Variants in NFX1 observed in about 807,000 individuals in gnomAD.
NFX1 encodes the protein nuclear transcription factor, X-box binding 1.
Under a neutral mutation model 137.2 loss-of-function variants are expected in NFX1, and 69 were observed. That is an observed-to-expected ratio of 0.50 (90% CI 0.41 to 0.61). The LOEUF is 0.61. Ranked by LOEUF, NFX1 falls within the 20% of genes least tolerant of loss-of-function variation. The probability of loss-of-function intolerance (pLI) is 0.00; values close to 1 mark genes in which losing one functional copy is unlikely to be tolerated. For synonymous variants in NFX1, 495 were observed against 474.1 expected (o/e 1.04, Z -0.57); for missense variants, 1,167 against 1,391.0 (o/e 0.84, Z 2.56).
intron 7 of NFX1, among the ~76,000 whole-genome samples, chr9:33,316,504 C>T (rs1396424407): frequency 1.3e-5 from 2 of 152,066 alleles, no homozygotes; most frequent in African/African-American, 2.4e-5. Context: ...TCTGTGGATC[C>T]CAGTCTCTTC....
intron 13 of NFX1, 41 bp downstream of exon 13, chr9:33,342,895 A>C: frequency 7.7e-7 from 1 of 1,301,724 alleles, no homozygotes; most frequent in Non-Finnish European, 1.1e-6. Context: ...AGAGTTTTTT[A>C]GAAATTCAGA....
chr9:33,301,485 G>T (rs1821564551), intron 3 of NFX1, 64 bp downstream of exon 3: 20 of 1,507,504 alleles, frequency 1.3e-5, no homozygotes, highest in Non-Finnish European at 1.4e-5. Flanking sequence ...GTATTATTAA[G>T]CCCAGCTTTA....
chr9:33,318,850 T>C lies in NFX1; in HGVS notation c.1688+20T>C. 1 of 1,614,214 alleles carries C rather than the reference T, an allele frequency of 6.2e-7. No homozygotes were observed. Among genetic ancestry groups the C allele is most frequent in the Non-Finnish European group, 8.5e-7 (1 of 1,180,002 alleles). On this transcript the variant is annotated intron_variant, in intron 8 of 23. Transcript: ENST00000379540. The stretch of plus-strand genomic sequence containing the variant: ...TGGCAAGTAAGGTTTTACGTTTTCT[T>C]CAGTTGAACTAAAGCTGCACTTTAT...
rs1238718187 is a variant in NFX1 at position 33,370,802 on chromosome 9, A to G, written c.*824A>G. 6.6e-6 allele frequency: 1 copy of G among 152,200 alleles called. No individual in the cohort carries two copies. The highest frequency in any genetic ancestry group is 2.4e-5 in the African/African-American group (1 of 41,410). The allele number at this position is 152,200 out of a possible 1,614,324, so 9.4% of individuals were successfully genotyped here. ...TATCCCTAACTCCTCTTTGATAGAG[A>G]AAGAGTCTCAAATGGACAACTGTCC... On this transcript the variant is annotated 3_prime_UTR_variant, in exon 24 of 24. Transcript: ENST00000379540.
At chr9:33,296,546 A>G (rs538701573) in intron 2 of NFX1, among the ~76,000 whole-genome samples, 11 of 152,272 alleles carry the variant, frequency 7.2e-5, no homozygotes, top group Middle Eastern at 3.4e-3. Context: ...TGGGCAACAT[A>G]AGGAGACCCT....
At chr9:33,361,803 A>T (rs1456652164) in intron 19 of NFX1, among the ~76,000 whole-genome samples, 1 of 150,832 alleles carries the variant, frequency 6.6e-6, no homozygotes, top group Admixed American at 6.6e-5. Flanking sequence ...AAAAATATAT[A>T]TATATACACA....
chr9:33,368,016 T>G (rs1824220000), intron 23 of NFX1, among the ~76,000 whole-genome samples: 1 of 152,132 alleles, frequency 6.6e-6, no homozygotes, highest in South Asian at 2.1e-4. Context: ...GGTGGATCAC[T>G]TAAGGTCAGG....
At chr9:33,368,333 C>T (rs1287508077) in intron 23 of NFX1, among the ~76,000 whole-genome samples, 1 of 152,096 alleles carries the variant, frequency 6.6e-6, no homozygotes, top group African/African-American at 2.4e-5. Flanking sequence ...TTTGCTCTGT[C>T]TGCTTCTATA....
chr9:33,326,544 T>C (rs1175261908), intron 9 of NFX1, among the ~76,000 whole-genome samples: 1 of 151,750 alleles, frequency 6.6e-6, no homozygotes, highest in South Asian at 2.1e-4. Flanking sequence ...CGTAGTGAGA[T>C]TTAATCCCTC....
intron 10 of NFX1, among the ~76,000 whole-genome samples, chr9:33,330,430 G>A (rs706130): frequency 0.56 from 84,524 of 152,084 alleles, 24,784 homozygotes; most frequent in Non-Finnish European, 0.65. Flanking sequence ...TCATATATGG[G>A]TTTTTTCCTG....
intron 10 of NFX1, among the ~76,000 whole-genome samples, chr9:33,329,071 TTTACTACAAGGAGG>T (rs781230023): frequency 1.3e-5 from 2 of 152,176 alleles, no homozygotes; most frequent in Non-Finnish European, 2.9e-5. Context: ...TGGTTAGAGC[TTTACTACAAGGAGG>T]TTACAGTTTT....
chr9:33,357,753 C>T (rs2118664406), intron 19 of NFX1, among the ~76,000 whole-genome samples: 1 of 148,920 alleles, frequency 6.7e-6, no homozygotes, highest in African/African-American at 2.5e-5. Flanking sequence ...ACTATGTTGA[C>T]CAGGGTGGTC....
rs1824306042 is a variant in NFX1 at position 33,370,890 on chromosome 9, C to G, written c.*912C>G. ...TCTCCCTGCCTCTGAGCTCTGGACT[C>G]TGTTTGAATATTCCAAGTAGTATAT... On this transcript the variant is annotated 3_prime_UTR_variant, in exon 24 of 24. Coordinates refer to ENST00000379540, the MANE Select transcript of NFX1 (RefSeq NM_002504.6). 6.6e-6 allele frequency: 1 copy of G among 152,290 alleles called. No homozygotes were observed. Among genetic ancestry groups the G allele is most frequent in the African/African-American group, 2.4e-5 (1 of 41,470 alleles). The allele number at this position is 152,290 out of a possible 1,614,324, so 9.4% of individuals were successfully genotyped here.
intron 2 of NFX1, among the ~76,000 whole-genome samples, chr9:33,297,612 C>T (rs1228126928): frequency 1.3e-5 from 2 of 152,182 alleles, no homozygotes; most frequent in Non-Finnish European, 2.9e-5. Context: ...GGTTCTCTTT[C>T]AGTCACTGGT....
intron 7 of NFX1, among the ~76,000 whole-genome samples, chr9:33,314,088 A>G (rs1348336215): frequency 6.6e-6 from 1 of 151,900 alleles, no homozygotes. Context: ...AGTTCAAGCA[A>G]TTCTCCTGTC....
At chr9:33,301,169 C>G in intron 2 of NFX1, 94 bp from the exon 3 acceptor site, 1 of 1,161,568 alleles carries the variant, frequency 8.6e-7, no homozygotes. Flanking sequence ...TTGGATTCTT[C>G]TCTTGAGTGA....
intron 16 of NFX1, chr9:33,352,009 A>G: frequency 2.0e-6 from 1 of 496,334 alleles, no homozygotes; most frequent in Non-Finnish European, 3.5e-6. Flanking sequence ...CCACCGGACC[A>G]CAGTCTGTGT....
chr9:33,350,217 T>A (rs7040601), intron 15 of NFX1, among the ~76,000 whole-genome samples: 6 of 149,598 alleles, frequency 4.0e-5, no homozygotes, highest in Non-Finnish European at 8.9e-5. Context: ...GGTAGGAGAA[T>A]CGCTTGAACC....
chr9:33,355,036 C>T (rs560817061), intron 19 of NFX1, 144 bp downstream of exon 19: 2 of 740,314 alleles, frequency 2.7e-6, no homozygotes, highest in Non-Finnish European at 4.4e-6. Context: ...ATGCCGTTAC[C>T]AAGAATTGAA....
Sources: gnomAD v4.1 joint callset for allele counts (sites outside exome capture counted in the v4.1 genomes callset) on GRCh38, gnomAD v4.1.1 for gene constraint, MANE v1.5 for transcripts, NCBI Gene and HGNC (gene_info 2026-07-23, HGNC 2026-07-21) for gene names.